The following SMPDL3B variants were observed in gnomAD, a reference collection of about 807,000 sequenced individuals.
SMPDL3B encodes the protein sphingomyelin phosphodiesterase acid like 3B.
In SMPDL3B, 31 loss-of-function variants were observed where a neutral mutation model predicts 37.9. The observed-to-expected ratio is 0.82, with a 90% CI of 0.61 to 1.10. SMPDL3B has a LOEUF of 1.10. SMPDL3B is among the 50% of genes least tolerant of loss of function. The probability of loss-of-function intolerance (pLI) is 0.00; values close to 1 mark genes in which losing one functional copy is unlikely to be tolerated. For synonymous variants in SMPDL3B, 235 were observed against 242.6 expected, an observed-to-expected ratio of 0.97 and a Z score of 0.29; for missense variants, 525 against 597.8, an observed-to-expected ratio of 0.88 and a Z score of 1.27.
chr1:27,957,415 G>C (rs1638321819), intron 7 of SMPDL3B, among the ~76,000 whole-genome samples: 2 of 152,174 alleles, frequency 1.3e-5, no homozygotes, highest in Non-Finnish European at 2.9e-5. Flanking sequence ...ACTGAGATAA[G>C]TGGCAGGGTG....
chr1:27,947,651 TTG>T (rs1491537298), intron 2 of SMPDL3B, among the ~76,000 whole-genome samples: 6 of 85,652 alleles, frequency 7.0e-5, no homozygotes, highest in Admixed American at 2.3e-4. Context: ...AGGTGTTTTT[TTG>T]TTTTTTTTTT....
chr1:27,949,275 C>T (rs780233725), intron 3 of SMPDL3B, 113 bp downstream of exon 3: 15 of 1,118,124 alleles, frequency 1.3e-5, no homozygotes, highest in Admixed American at 1.9e-5. Context: ...CCATGGACAG[C>T]GATGGCTGTT....
rs1228280074 is a variant in SMPDL3B, at chr1:27,958,212, A to G, written c.1006-264A>G. Among the ~76,000 whole-genome samples, 1 of 152,204 alleles carries G rather than the reference A, an allele frequency of 6.6e-6. No individual in the cohort carries two copies. Among genetic ancestry groups the G allele is most frequent in the Non-Finnish European group, 1.5e-5 (1 of 68,030 alleles). On this transcript the variant is annotated intron_variant, in intron 7 of 7. Transcript: ENST00000373894. The surrounding 1 kb of genome is among the most constrained non-coding windows in gnomAD (Gnocchi z 5.6). ...AATCCTGCTACCACTGAATACCTGT[A>G]TGAATACCTGTATGACCCTGGCCAA...
rs1445408955 is a variant in SMPDL3B at position 27,958,520 on chromosome 1, G to T, written c.1050G>T (p.Gln350His). 1 of 1,613,528 alleles carries T rather than the reference G, an allele frequency of 6.2e-7. No homozygotes were observed. The highest frequency in any genetic ancestry group is 1.7e-5 in the Admixed American group (1 of 60,000). The change falls in exon 8 of 8, where the codon CAG (glutamine) becomes CAT (histidine). Residue 350 changes from glutamine (Q) to histidine (H), a missense_variant. Gln to His is a conservative substitution (Grantham distance 24). Transcript: ENST00000373894. The surrounding 1 kb of genome is among the most constrained non-coding windows in gnomAD (Gnocchi z 5.6). Reference sequence around the variant, plus strand: ...TGAACCTGAGCCAGGCGAATGCTCAGGGGACGCCGCGCTGGGAGCTCGAGT... The same window carrying T: ...TGAACCTGAGCCAGGCGAATGCTCATGGGACGCCGCGCTGGGAGCTCGAGT... ...YFMNLSQANAQGTPRWELEYQ... is the reference protein window; with the variant it reads ...YFMNLSQANAHGTPRWELEYQ...
rs1311697533 is a variant in SMPDL3B, at chr1:27,958,735, T to C, written c.1265T>C (p.Ile422Thr). The change falls in exon 8 of 8, where the codon ATT (isoleucine) becomes ACT (threonine). Residue 422 changes from isoleucine to threonine, a missense_variant. Physicochemically the swap from Ile to Thr is moderately conservative, Grantham distance 89 (BLOSUM62 -1). Coordinates refer to ENST00000373894, the MANE Select transcript of SMPDL3B (RefSeq NM_014474.4). This position sits in a 1 kb window ranked among gnomAD's most constrained non-coding sequence, Gnocchi z 5.6. ...GTGTGTGCCATGCGCCAGGTGGACA[T>C]TGACGCTTACACCACCTGTCTGTAT... ...QHVCAMRQVD[I>T]DAYTTCLYAS... The C allele has an allele frequency of 1.2e-5, 19 of 1,613,634 alleles. No individual in the cohort carries two copies. The highest frequency in any genetic ancestry group is 6.7e-5 in the African/African-American group (5 of 74,948).
chr1:27,936,011 C>T (rs2090304905), intron 1 of SMPDL3B, among the ~76,000 whole-genome samples: 1 of 152,124 alleles, frequency 6.6e-6, no homozygotes, highest in Non-Finnish European at 1.5e-5. Flanking sequence ...TCATGGATAG[C>T]CTCGAAGACT....
At chr1:27,957,658 A>T (rs1638330537) in intron 7 of SMPDL3B, among the ~76,000 whole-genome samples, 1 of 152,082 alleles carries the variant, frequency 6.6e-6, no homozygotes, top group South Asian at 2.1e-4. Flanking sequence ...GAGGGGTTTA[A>T]AGAGTGGCCT....
chr1:27,941,355 G>A (rs1441721912), intron 1 of SMPDL3B: 1 of 152,220 alleles, frequency 6.6e-6, no homozygotes, highest in Non-Finnish European at 1.5e-5. Context: ...AATAAGACCA[G>A]TGTATGAAAG....
At chr1:27,953,465 A>T in intron 4 of SMPDL3B, 107 bp downstream of exon 4, 1 of 1,038,266 alleles carries the variant, frequency 9.6e-7, no homozygotes, top group Non-Finnish European at 1.4e-6. Context: ...TCCCCAATTT[A>T]CAGATAAGGA....
chr1:27,935,856 G>C (rs1420514797), intron 1 of SMPDL3B, among the ~76,000 whole-genome samples: 1 of 152,156 alleles, frequency 6.6e-6, no homozygotes, highest in Non-Finnish European at 1.5e-5. Context: ...GAACATTACA[G>C]GAAGAGAGGA....
chr1:27,942,019 G>T (rs541202277), intron 1 of SMPDL3B, among the ~76,000 whole-genome samples: 1 of 151,302 alleles, frequency 6.6e-6, no homozygotes, highest in African/African-American at 2.4e-5. Context: ...AGACACACAC[G>T]CACACACACA....
rs145333269 is a variant in SMPDL3B, at chr1:27,949,087, G to C, written c.298G>C (p.Asp100His). 37 of 1,614,050 alleles carry C rather than the reference G, an allele frequency of 2.3e-5. No individual in the cohort carries two copies. The African/African-American group carries it at 4.5e-4, about 20-fold the overall frequency. The change falls in exon 3 of 8, where the codon GAT becomes CAT. Residue 100 changes from aspartate to histidine, a missense_variant. By Grantham distance (81) the Asp-to-His change is moderately conservative. Coordinates refer to ENST00000373894, the MANE Select transcript of SMPDL3B (RefSeq NM_014474.4). Reference protein sequence around the residue: ...WTGDDTPHVPDEKLGEAAVLE... With the variant: ...WTGDDTPHVPHEKLGEAAVLE... ...TAGTGATGACACGCCTCATGTGCCC[G>C]ATGAGAAACTGGGAGAGGCAGCTGT...
chr1:27,948,109 T>G (rs1185496399), intron 2 of SMPDL3B, among the ~76,000 whole-genome samples: 2 of 152,114 alleles, frequency 1.3e-5, no homozygotes, highest in Admixed American at 1.3e-4. Context: ...CCCCACCACT[T>G]TCTAGTGGTG....
chr1:27,943,179 T>C (rs989426991), intron 1 of SMPDL3B, among the ~76,000 whole-genome samples: 9 of 152,202 alleles, frequency 5.9e-5, no homozygotes, highest in African/African-American at 2.2e-4. Flanking sequence ...ATTTACCATG[T>C]GATCTTAGGC....
At position 27,935,171 on chromosome 1, in the gene SMPDL3B, G is replaced by C; in HGVS notation, c.-13G>C. On this transcript the variant is annotated 5_prime_UTR_variant, in exon 1 of 8. Coordinates refer to ENST00000373894, the MANE Select transcript of SMPDL3B (RefSeq NM_014474.4). ...CTGAGAATCCCACGGCTCTGGGGAAGTGAGCCCCGAGGATGAGGCTGCTCG... is the reference window on the plus strand; with the variant it reads ...CTGAGAATCCCACGGCTCTGGGGAACTGAGCCCCGAGGATGAGGCTGCTCG... 6.2e-7 allele frequency: 1 copy of C among 1,612,166 alleles called. No individual in the cohort carries two copies. The highest frequency in any genetic ancestry group is 1.1e-5 in the South Asian group (1 of 91,014).
chr1:27,953,101 A>G (rs996828290), intron 3 of SMPDL3B, 114 bp from the exon 4 acceptor site: 10 of 740,416 alleles, frequency 1.4e-5, no homozygotes, highest in Non-Finnish European at 2.0e-5. Flanking sequence ...TCTTTTCCTC[A>G]TCTGTGCTAT....
intron 2 of SMPDL3B, among the ~76,000 whole-genome samples, chr1:27,947,631 A>T (rs1271483843): frequency 7.3e-6 from 1 of 137,216 alleles, no homozygotes; most frequent in Non-Finnish European, 1.6e-5. Flanking sequence ...AAAAAAAAAA[A>T]AAAGAAATTA....
chr1:27,935,195 C>T lies in SMPDL3B; in HGVS notation c.12C>T (p.Leu4=), dbSNP rs147683305. The change falls in exon 1 of 8, where the codon CTC becomes CTT. Residue 4 remains leucine, a synonymous_variant. Coordinates refer to ENST00000373894, the MANE Select transcript of SMPDL3B (RefSeq NM_014474.4). MRL[L]AWLIFLANWG... is the part of the protein sequence containing the mutation. ...AGTGAGCCCCGAGGATGAGGCTGCT[C>T]GCCTGGCTGATTTTCCTGGCTAACT... The T allele has an allele frequency of 3.1e-6, 5 of 1,613,838 alleles. No individual in the cohort carries two copies. The highest frequency in any genetic ancestry group is 4.5e-5 in the East Asian group (2 of 44,874).
chr1:27,947,872 C>T (rs983037939), intron 2 of SMPDL3B, among the ~76,000 whole-genome samples: 2 of 151,928 alleles, frequency 1.3e-5, no homozygotes, highest in African/African-American at 4.8e-5. Flanking sequence ...TGAGTCACCG[C>T]CCCCGGCCTA....
Sources: allele counts gnomAD v4.1 joint callset (sites outside exome capture counted in the v4.1 genomes callset), GRCh38; gene constraint gnomAD v4.1.1; non-coding constraint Gnocchi (gnomAD v3.1); transcripts MANE v1.5; gene names NCBI Gene and HGNC (gene_info 2026-07-23, HGNC 2026-07-21).